ADA2: variants seen among roughly 807,000 people sequenced by gnomAD.
ADA2 encodes adenosine deaminase CECR1.
Under a neutral mutation model 44.2 loss-of-function variants are expected in ADA2, and 29 were observed. The ratio of observed to expected loss-of-function variants is 0.66; its 90% CI spans 0.49 to 0.89. ADA2 has a LOEUF of 0.89. Among genes scored for constraint, ADA2 ranks in the 40% least tolerant of loss-of-function variants. The pLI, the probability that ADA2 is intolerant of heterozygous loss-of-function variation, is 0.00. For synonymous variants in ADA2, 215 were observed against 234.9 expected (o/e 0.92, Z 0.77); for missense variants, 637 against 644.8 (o/e 0.99, Z 0.13).
intron 7 of ADA2, among the ~76,000 whole-genome samples, chr22:17,187,490 A>T (rs906421408): frequency 6.6e-6 from 1 of 151,898 alleles, no homozygotes; most frequent in African/African-American, 2.4e-5. Context: ...AAGTTTTGCC[A>T]TGTTGCCCTG....
chr22:17,211,725 C>A (rs1256531174), intron 1 of ADA2, among the ~76,000 whole-genome samples: 1 of 151,952 alleles, frequency 6.6e-6, no homozygotes, highest in African/African-American at 2.4e-5. Flanking sequence ...GTCAAGAGAT[C>A]GAGAGCATCC....
intron 8 of ADA2, among the ~76,000 whole-genome samples, 169 bp from the exon 9 acceptor site, chr22:17,182,191 C>A (rs1280477290): frequency 6.6e-6 from 1 of 152,166 alleles, no homozygotes; most frequent in East Asian, 1.9e-4. Context: ...AGGAACAGAG[C>A]CAGTCCTTAT....
chr22:17,199,571 G>A (rs766270323), intron 4 of ADA2: 1 of 1,613,918 alleles, frequency 6.2e-7, no homozygotes, highest in African/African-American at 1.3e-5. Flanking sequence ...CCATTCCAGG[G>A]AATCCATCTC....
chr22:17,200,031 C>A (rs2062256903), intron 4 of ADA2, among the ~76,000 whole-genome samples: 1 of 152,144 alleles, frequency 6.6e-6, no homozygotes, highest in Non-Finnish European at 1.5e-5. Context: ...CTCATCTCTT[C>A]TAAAAATACA....
intron 8 of ADA2, 93 bp downstream of exon 8, chr22:17,182,504 GAGAGTTA>G: frequency 2.5e-6 from 3 of 1,181,558 alleles, no homozygotes; most frequent in Non-Finnish European, 3.7e-6. Flanking sequence ...TAGGTAACAA[GAGAGTTA>G]AGGAGAGATA....
intron 1 of ADA2, among the ~76,000 whole-genome samples, chr22:17,210,629 GCT>G (rs748570691): frequency 1.7e-4 from 26 of 151,654 alleles, no homozygotes; most frequent in Admixed American, 3.3e-4. Context: ...ACAGAGTCTT[GCT>G]CTGTCACCCA....
chr22:17,193,100 A>AT (rs2062141741), intron 4 of ADA2: 1 of 1,198,634 alleles, frequency 8.3e-7, no homozygotes, highest in African/African-American at 1.5e-5. Context: ...ACAAAAAAAA[A>AT]CAAAGAACAC....
chr22:17,220,327 C>G (rs2062514175), upstream of ADA2, among the ~76,000 whole-genome samples: 1 of 152,120 alleles, frequency 6.6e-6, no homozygotes, highest in Non-Finnish European at 1.5e-5. Context: ...GACAAGGCTC[C>G]TGTACCCAGG....
intron 4 of ADA2, among the ~76,000 whole-genome samples, chr22:17,196,868 T>C (rs1487244194): frequency 6.6e-6 from 1 of 152,112 alleles, no homozygotes. Context: ...AAATGACAAC[T>C]CTGCTTAAAA....
chr22:17,185,188 G>A (rs1305734616), intron 7 of ADA2, among the ~76,000 whole-genome samples: 1 of 151,224 alleles, frequency 6.6e-6, no homozygotes, highest in Non-Finnish European at 1.5e-5. Context: ...CGAGGTGGGC[G>A]GATCACGAGG....
At chr22:17,214,050 A>AAAAG in intron 1 of ADA2, 1 of 463,304 alleles carries the variant, frequency 2.2e-6, no homozygotes, top group Admixed American at 3.2e-5. Context: ...AAAAAAAAAA[A>AAAAG]AAAAAAAAAA....
rs779409730 is a variant in ADA2 at position 17,209,681 on chromosome 22, G to A, written c.-4C>T. The A allele has an allele frequency of 1.8e-5, 29 of 1,609,818 alleles. No individual in the cohort carries two copies. The highest frequency in any genetic ancestry group is 3.3e-5 in the Admixed American group (2 of 59,912). The stretch of plus-strand genomic sequence containing the variant: ...CAGATGGGCCATCCACCAACATCGG[G>A]ATGCCTGGACTAGGAAAGGGCTCAG... On this transcript the variant is annotated 5_prime_UTR_variant, in exon 2 of 10. Coordinates refer to ENST00000399837, the MANE Select transcript of ADA2 (RefSeq NM_001282225.2).
At chr22:17,203,917 G>A in intron 3 of ADA2, 144 bp from the exon 4 acceptor site, 1 of 646,194 alleles carries the variant, frequency 1.5e-6, no homozygotes, top group South Asian at 1.8e-5. Flanking sequence ...AAGGGGCAAA[G>A]GGGAGCATTC....
upstream of ADA2, among the ~76,000 whole-genome samples, chr22:17,220,106 C>A (rs2062512348): frequency 6.6e-6 from 1 of 152,164 alleles, no homozygotes; most frequent in Non-Finnish European, 1.5e-5. Flanking sequence ...TGTTCATGAA[C>A]TCTGGGAAGT....
intron 6 of ADA2, chr22:17,188,868 A>AAAAAAAAAAAAAAAAAAAAAAATATATAT: frequency 2.5e-5 from 2 of 81,128 alleles, no homozygotes; most frequent in Admixed American, 1.3e-4. Context: ...AAGAGCAAAA[A>AAAAAAAAAAAAAAAAAAAAAAATATATAT]ATATATATAT....
intron 2 of ADA2, 86 bp from the exon 3 acceptor site, chr22:17,207,376 G>C: frequency 3.0e-6 from 3 of 989,828 alleles, no homozygotes; most frequent in Non-Finnish European, 4.6e-6. Flanking sequence ...AGGGGGTGAA[G>C]TCCCATCCCA....
chr22:17,183,622 C>T (rs182690969), intron 7 of ADA2, among the ~76,000 whole-genome samples: 17 of 151,518 alleles, frequency 1.1e-4, no homozygotes, highest in East Asian at 9.8e-4. Context: ...CCACCATGCC[C>T]GGCTATTTTT....
At chr22:17,219,665 G>GTTTTTTTTTTTTTTTTTT (rs71200249), upstream of ADA2, 1 of 71,996 alleles carries the variant, frequency 1.4e-5, no homozygotes, top group Non-Finnish European at 2.4e-5. Context: ...TGTGGGGTTT[G>GTTTTTTTTTTTTTTTTTT]TTTTTTTTTT....
intron 4 of ADA2, among the ~76,000 whole-genome samples, chr22:17,201,308 A>G (rs990890726): frequency 6.6e-6 from 1 of 152,158 alleles, no homozygotes; most frequent in Non-Finnish European, 1.5e-5. Flanking sequence ...TCTTGTTTAC[A>G]CATCTATCCC....
Sources: gnomAD v4.1 joint callset for allele counts (sites outside exome capture counted in the v4.1 genomes callset) on GRCh38, gnomAD v4.1.1 for gene constraint, MANE v1.5 for transcripts, NCBI Gene and HGNC (gene_info 2026-07-23, HGNC 2026-07-21) for gene names.